IL1RAPL2: variants seen among roughly 807,000 people sequenced by gnomAD.
The protein encoded by IL1RAPL2 is interleukin 1 receptor accessory protein like 2, also known as X-linked interleukin-1 receptor accessory protein-like 2.
Under a neutral mutation model 44.1 loss-of-function variants are expected in IL1RAPL2, and 3 were observed. The observed-to-expected ratio is 0.07, with a 90% CI of 0.03 to 0.18. The LOEUF is 0.18. Among genes scored for constraint, IL1RAPL2 ranks in the 10% least tolerant of loss-of-function variants. IL1RAPL2 has a pLI of 1.00. For synonymous variants in IL1RAPL2, 181 were observed against 178.8 expected (o/e 1.01, Z -0.10); for missense variants, 391 against 496.4 (o/e 0.79, Z 2.02).
chrX:104,764,578 C>T (rs919878905), intron 2 of IL1RAPL2, among the ~76,000 whole-genome samples: 4 of 111,905 alleles, frequency 3.6e-5, no homozygotes, highest in Non-Finnish European at 5.6e-5. Flanking sequence ...CTATCATGGA[C>T]TTCCAGTACT....
At chrX:105,353,840 G>A (rs1359847948) in intron 5 of IL1RAPL2, among the ~76,000 whole-genome samples, 1 of 111,304 alleles carries the variant, frequency 9.0e-6, no homozygotes, top group African/African-American at 3.3e-5. Context: ...GGGCTGAGGC[G>A]ATGGGGTTTT....
At chrX:104,672,698 T>C (rs1283055684) in intron 2 of IL1RAPL2, among the ~76,000 whole-genome samples, 14 of 97,815 alleles carry the variant, frequency 1.4e-4, no homozygotes, top group African/African-American at 2.3e-4. Context: ...GTTGAACTAG[T>C]TTACAGTCCC....
intron 2 of IL1RAPL2, among the ~76,000 whole-genome samples, chrX:104,917,593 G>A (rs1415407899): frequency 8.9e-6 from 1 of 111,754 alleles, no homozygotes; most frequent in African/African-American, 3.3e-5. Context: ...AAATGGACCA[G>A]GCAAAAACAA....
chrX:105,019,409 T>A (rs2031244046), intron 2 of IL1RAPL2, among the ~76,000 whole-genome samples: 1 of 111,470 alleles, frequency 9.0e-6, no homozygotes, highest in Non-Finnish European at 1.9e-5. Context: ...GGAATGAGAT[T>A]ACTAAGGTAT....
intron 5 of IL1RAPL2, among the ~76,000 whole-genome samples, chrX:105,337,521 G>A (rs2035037389): frequency 8.9e-6 from 1 of 112,087 alleles, no homozygotes; most frequent in Admixed American, 9.5e-5. Context: ...AGGGAGAATG[G>A]GTACTTATTT....
At chrX:105,640,619 T>C (rs1262330850) in intron 6 of IL1RAPL2, among the ~76,000 whole-genome samples, 2 of 97,130 alleles carry the variant, frequency 2.1e-5, no homozygotes, top group East Asian at 3.3e-4. Context: ...AGTGCAAGCA[T>C]TGATCATTAA....
chrX:104,979,027 A>C (rs2030388204), intron 2 of IL1RAPL2, among the ~76,000 whole-genome samples: 1 of 111,210 alleles, frequency 9.0e-6, no homozygotes, highest in African/African-American at 3.3e-5. Flanking sequence ...AAAACATGAA[A>C]ATAAACATGT....
At chrX:104,737,230 C>T (rs936012902) in intron 2 of IL1RAPL2, among the ~76,000 whole-genome samples, 11 of 112,221 alleles carry the variant, frequency 9.8e-5, no homozygotes, top group African/African-American at 3.6e-4. Flanking sequence ...AGCAAAAGAG[C>T]ATTCTAACAA....
intron 1 of IL1RAPL2, among the ~76,000 whole-genome samples, chrX:104,622,192 C>T (rs1929413079): frequency 9.0e-6 from 1 of 110,551 alleles, no homozygotes; most frequent in African/African-American, 3.3e-5. Flanking sequence ...GTGATATTCA[C>T]ACTTTTCTAA....
At chrX:105,220,716 GCTTTTACT>G (rs2033954053) in intron 3 of IL1RAPL2, 1 of 222,765 alleles carries the variant, frequency 4.5e-6, no homozygotes, top group Admixed American at 6.5e-5. Context: ...GCCAACGTCG[GCTTTTACT>G]CTGGGACTGT....
rs769045097 is a variant in IL1RAPL2, at chrX:105,041,808, G to A, written c.83-153667G>A. Among the ~76,000 whole-genome samples, 20 of 109,896 alleles carry A rather than the reference G, an allele frequency of 1.8e-4. No homozygotes were observed. The East Asian group carries it at 4.6e-3, about 25-fold the overall frequency. ...AAAAGAACAAAGCTGGAGGCATCACGCTACCTGACTTCAAACTATACTACA... is the reference window on the plus strand; with the variant it reads ...AAAAGAACAAAGCTGGAGGCATCACACTACCTGACTTCAAACTATACTACA... On this transcript the variant is annotated intron_variant, in intron 2 of 10. Transcript: ENST00000372582.
intron 2 of IL1RAPL2, among the ~76,000 whole-genome samples, chrX:104,680,991 C>G (rs747098381): frequency 8.9e-6 from 1 of 112,083 alleles, no homozygotes; most frequent in Non-Finnish European, 1.9e-5. Flanking sequence ...TGGGACAGTT[C>G]TTATCTTTTT....
At chrX:105,491,935 C>T (rs1452839826) in intron 6 of IL1RAPL2, among the ~76,000 whole-genome samples, 1 of 111,739 alleles carries the variant, frequency 8.9e-6, no homozygotes, top group Non-Finnish European at 1.9e-5. Flanking sequence ...AATGTGATTA[C>T]GAACATCTCT....
chrX:105,239,731 A>T (rs1460056281), intron 4 of IL1RAPL2, among the ~76,000 whole-genome samples: 1 of 110,604 alleles, frequency 9.0e-6, no homozygotes, highest in Non-Finnish European at 1.9e-5. Flanking sequence ...AATGTCCCTT[A>T]GCTTTGCTGC....
intron 2 of IL1RAPL2, among the ~76,000 whole-genome samples, chrX:104,758,772 A>G (rs1932380141): frequency 9.0e-6 from 1 of 111,687 alleles, no homozygotes. Context: ...AGTAAGTGTA[A>G]TCCTCTCCCT....
At chrX:104,569,782 T>C (rs1410676783) in intron 1 of IL1RAPL2, among the ~76,000 whole-genome samples, 3 of 112,390 alleles carry the variant, frequency 2.7e-5, no homozygotes, top group South Asian at 3.7e-4. Context: ...TGAGTTAAAA[T>C]ATGGTTGAAA....
At chrX:104,741,371 A>G (rs1932099645) in intron 2 of IL1RAPL2, among the ~76,000 whole-genome samples, 1 of 111,495 alleles carries the variant, frequency 9.0e-6, no homozygotes. Flanking sequence ...TGGGGAAATG[A>G]TGCAATTTAC....
chrX:105,405,644 G>A (rs1481840845), intron 5 of IL1RAPL2: 11 of 1,127,132 alleles, frequency 9.8e-6, no homozygotes, highest in African/African-American at 1.8e-5. Context: ...CGGGGGCAGC[G>A]CGATGAGGCG....
intron 2 of IL1RAPL2, among the ~76,000 whole-genome samples, chrX:104,772,973 A>G (rs1049700494): frequency 5.4e-5 from 6 of 111,091 alleles, no homozygotes; most frequent in Admixed American, 9.5e-5. Context: ...TCAGTGGCAC[A>G]CACACAGCTC....
Sources: allele counts gnomAD v4.1 joint callset (sites outside exome capture counted in the v4.1 genomes callset), GRCh38; gene constraint gnomAD v4.1.1; transcripts MANE v1.5; gene names NCBI Gene and HGNC (gene_info 2026-07-23, HGNC 2026-07-21).